Variants in ST3GAL1 observed in about 807,000 individuals in gnomAD.
ST3GAL1 encodes the protein ST3 beta-galactoside alpha-2,3-sialyltransferase 1, also known as CMP-N-acetylneuraminate-beta-galactosamide-alpha-2,3-sialyltransferase 1.
A neutral mutation model predicts 34.1 loss-of-function variants in ST3GAL1; 16 were observed. The ratio of observed to expected loss-of-function variants is 0.47; its 90% confidence interval spans 0.32 to 0.71. The LOEUF (loss-of-function observed/expected upper bound fraction) is 0.71, where lower values mean the gene tolerates loss of function less well. Among genes scored for constraint, ST3GAL1 ranks in the 30% least tolerant of loss-of-function variants. The pLI, the probability that ST3GAL1 is intolerant of heterozygous loss-of-function variation, is 0.04. For synonymous variants in ST3GAL1, 191 were observed against 184.7 expected (o/e 1.03, Z -0.28); for missense variants, 353 against 447.4 (o/e 0.79, Z 1.90).
intron 2 of ST3GAL1, among the ~76,000 whole-genome samples, chr8:133,536,429 G>A (rs1249140553): frequency 6.6e-6 from 1 of 152,244 alleles, no homozygotes; most frequent in East Asian, 1.9e-4. Context: ...GGATCAATCT[G>A]TAGGTTGATT....
chr8:133,533,330 A>G (rs745856411), intron 2 of ST3GAL1, among the ~76,000 whole-genome samples: 1 of 152,030 alleles, frequency 6.6e-6, no homozygotes, highest in Non-Finnish European at 1.5e-5. Context: ...AATTACCAAC[A>G]CCCTAATTTT....
At chr8:133,470,481 C>T (rs1815908855) in intron 5 of ST3GAL1, among the ~76,000 whole-genome samples, 1 of 152,098 alleles carries the variant, frequency 6.6e-6, no homozygotes, top group Non-Finnish European at 1.5e-5. Context: ...TTTGGAAGTT[C>T]AGGGACACGC....
intron 1 of ST3GAL1, among the ~76,000 whole-genome samples, chr8:133,551,607 A>AAAGG (rs1818864802): frequency 1.3e-5 from 2 of 149,144 alleles, no homozygotes; most frequent in Admixed American, 6.7e-5. Context: ...AGAAAGAAAG[A>AAAGG]AAGAAAGAAA....
Position 133,516,695 on chromosome 8 carries a change from T to A in ST3GAL1, c.-428-17506A>T, listed in dbSNP as rs139569981. Among the ~76,000 whole-genome samples, 40 of 152,284 alleles carry A rather than the reference T, an allele frequency of 2.6e-4. 1 individual carries two copies. The highest frequency in any genetic ancestry group is 9.4e-4 in the African/African-American group (39 of 41,564). On this transcript the variant is annotated intron_variant, in intron 2 of 9. Coordinates refer to ENST00000522652, the MANE Select transcript of ST3GAL1 (RefSeq NM_173344.3). The stretch of plus-strand genomic sequence containing the variant: ...TCTGTGAGGCTGGCAGGGCAGCAAT[T>A]ATAAAAGTGGCCAGCCCAATGTCAC...
chr8:133,494,774 T>C (rs373949863), intron 3 of ST3GAL1, among the ~76,000 whole-genome samples: 21 of 152,324 alleles, frequency 1.4e-4, no homozygotes, highest in African/African-American at 4.8e-4. Flanking sequence ...ACAGCCTATC[T>C]GCTCTGCCCA....
chr8:133,539,336 C>A (rs1047300268), intron 2 of ST3GAL1, among the ~76,000 whole-genome samples: 5 of 152,172 alleles, frequency 3.3e-5, no homozygotes, highest in African/African-American at 4.8e-5. Context: ...CCAGCTCACC[C>A]GGCAGGCAGC....
intron 3 of ST3GAL1, among the ~76,000 whole-genome samples, chr8:133,479,127 G>A (rs879754602): frequency 2.6e-5 from 4 of 152,190 alleles, no homozygotes; most frequent in African/African-American, 9.7e-5. Context: ...TCTCGGGGCC[G>A]TCAGCCCATC....
intron 2 of ST3GAL1, among the ~76,000 whole-genome samples, chr8:133,520,983 T>C (rs1235701374): frequency 2.0e-5 from 2 of 97,946 alleles, no homozygotes; most frequent in African/African-American, 4.1e-5. Context: ...GAGACAGTCT[T>C]GCTCTGTTGC....
intron 2 of ST3GAL1, among the ~76,000 whole-genome samples, chr8:133,527,393 G>A (rs2978014): frequency 0.28 from 43,149 of 151,990 alleles, 7,017 homozygotes; most frequent in Middle Eastern, 0.38. Flanking sequence ...GGTGGGGTGA[G>A]AAGTGTCCAC....
intron 2 of ST3GAL1, among the ~76,000 whole-genome samples, chr8:133,531,491 G>A (rs572422593): frequency 6.6e-6 from 1 of 152,260 alleles, no homozygotes; most frequent in Non-Finnish European, 1.5e-5. Context: ...TGAGGTGCAG[G>A]GAAGTGAAAT....
chr8:133,551,536 GAGAAGGAAAGAA>G (rs1379508071), intron 1 of ST3GAL1, among the ~76,000 whole-genome samples: 8 of 116,166 alleles, frequency 6.9e-5, no homozygotes, highest in Non-Finnish European at 1.4e-4. Flanking sequence ...GAGAAAGAAA[GAGAAGGAAAGAA>G]AGAAAGAAAG....
intron 7 of ST3GAL1, among the ~76,000 whole-genome samples, chr8:133,463,829 G>A (rs1029519051): frequency 3.9e-5 from 6 of 152,204 alleles, no homozygotes; most frequent in African/African-American, 7.2e-5. Context: ...GGTGAGGCCC[G>A]CGGCTGCCCC....
chr8:133,533,990 G>C (rs1364758600), intron 2 of ST3GAL1, among the ~76,000 whole-genome samples: 1 of 152,092 alleles, frequency 6.6e-6, no homozygotes, highest in Non-Finnish European at 1.5e-5. Flanking sequence ...ATAATTGTTT[G>C]GGGCAATTCC....
intron 3 of ST3GAL1, among the ~76,000 whole-genome samples, chr8:133,477,634 G>C (rs1563702742): frequency 1.3e-5 from 2 of 152,036 alleles, no homozygotes; most frequent in South Asian, 2.1e-4. Flanking sequence ...ATAGAGCAAG[G>C]GGGGAGTATT....
intron 2 of ST3GAL1, among the ~76,000 whole-genome samples, chr8:133,541,100 T>C (rs1391098233): frequency 2.8e-5 from 1 of 36,242 alleles, no homozygotes; most frequent in Non-Finnish European, 4.6e-5. Flanking sequence ...TATAAACATA[T>C]ATATATATAT....
intron 2 of ST3GAL1, among the ~76,000 whole-genome samples, chr8:133,536,330 C>T (rs1818309606): frequency 6.6e-6 from 1 of 152,286 alleles, no homozygotes; most frequent in Middle Eastern, 3.4e-3. Flanking sequence ...AGGACATATT[C>T]GGATGCCCTT....
intron 2 of ST3GAL1, among the ~76,000 whole-genome samples, chr8:133,529,008 A>T (rs1158519079): frequency 6.6e-6 from 1 of 152,256 alleles, no homozygotes; most frequent in African/African-American, 2.4e-5. Flanking sequence ...GCTAAGACAC[A>T]TGGGGCTCTG....
chr8:133,462,965 C>T (rs1352575784), intron 8 of ST3GAL1, among the ~76,000 whole-genome samples: 2 of 152,248 alleles, frequency 1.3e-5, no homozygotes, highest in Non-Finnish European at 2.9e-5. Flanking sequence ...CACTTCCCTC[C>T]TTCTTCTGCC....
Position 133,476,306 on chromosome 8 carries a change from T to C in ST3GAL1, c.-79A>G, listed in dbSNP as rs1048471. ...TTCAGAAAATAAAGTAGCCTATTCT[T>C]CTGCAATCCTTAAAGAGCTGATAAT... On this transcript the variant is annotated 5_prime_UTR_variant, in exon 4 of 10. Coordinates refer to ENST00000522652, the MANE Select transcript of ST3GAL1 (RefSeq NM_173344.3). 171,585 of 323,268 alleles carry C rather than the reference T, an allele frequency of 0.53. 47,443 individuals are homozygous for C. Among genetic ancestry groups the C allele is most frequent in the African/African-American group, 0.58 (27,391 of 47,094 alleles). The allele number at this position is 323,268 out of a possible 1,614,324, so 20.0% of individuals were successfully genotyped here.
Sources: allele counts gnomAD v4.1 joint callset (sites outside exome capture counted in the v4.1 genomes callset), GRCh38; gene constraint gnomAD v4.1.1; transcripts MANE v1.5; gene names NCBI Gene and HGNC (gene_info 2026-07-23, HGNC 2026-07-21).